Variants in GABRR2 observed in about 807,000 individuals in gnomAD.
GABRR2 encodes gamma-aminobutyric acid receptor subunit rho-2.
Under a neutral mutation model 47.0 loss-of-function variants are expected in GABRR2, and 36 were observed. That is an observed-to-expected ratio of 0.77 (90% CI 0.59 to 1.01). The LOEUF is 1.01. Among genes scored for constraint, GABRR2 ranks in the 50% least tolerant of loss-of-function variants. The pLI, the probability that GABRR2 is intolerant of heterozygous loss-of-function variation, is 0.00. For missense variants in GABRR2, 587 were observed against 594.6 expected (o/e 0.99, Z 0.13); for synonymous variants, 204 against 227.5 (o/e 0.90, Z 0.93).
intron 2 of GABRR2, among the ~76,000 whole-genome samples, chr6:89,283,746 C>T (rs529526547): frequency 8.2e-4 from 125 of 152,234 alleles, no homozygotes; most frequent in Middle Eastern, 3.4e-3. Context: ...GGAGGGACAG[C>T]GTTTGGAACC....
At chr6:89,280,251 T>TATATATATAC (rs1554197261) in intron 2 of GABRR2, among the ~76,000 whole-genome samples, 6 of 102,980 alleles carry the variant, frequency 5.8e-5, no homozygotes, top group African/African-American at 1.3e-4. Flanking sequence ...TATATATATA[T>TATATATATAC]ATACATACAT....
At position 89,264,548 on chromosome 6, in the gene GABRR2, C is replaced by T. The variant is rs753440123; in HGVS notation, c.950G>A (p.Arg317His). The change falls in exon 8 of 9, where the codon CGC (arginine) becomes CAC (histidine). Residue 317 changes from arginine to histidine, a missense_variant. Physicochemically the swap from Arg to His is conservative, Grantham distance 29. Coordinates refer to ENST00000402938, the MANE Select transcript of GABRR2 (RefSeq NM_002043.5). Reference protein sequence around the residue: ...IITGVNASMPRVSYVKAVDIY... With the variant: ...IITGVNASMPHVSYVKAVDIY... Reference sequence around the variant, plus strand: ...GTCCACGGCCTTGACGTAGGAGACGCGCGGCATGGAGGCATTCACGCCCGT... The same window carrying T: ...GTCCACGGCCTTGACGTAGGAGACGTGCGGCATGGAGGCATTCACGCCCGT... The T allele has an allele frequency of 1.2e-6, 2 of 1,614,022 alleles. No homozygotes were observed. Among genetic ancestry groups the T allele is most frequent in the African/African-American group, 1.3e-5 (1 of 74,904 alleles).
At chr6:89,281,894 G>A (rs558156682) in intron 2 of GABRR2, among the ~76,000 whole-genome samples, 8 of 152,238 alleles carry the variant, frequency 5.3e-5, no homozygotes, top group African/African-American at 1.4e-4. Context: ...GGTCCAGACC[G>A]GAGCCTATGT....
chr6:89,258,482 G>T (rs768019135), intron 8 of GABRR2, among the ~76,000 whole-genome samples: 18 of 151,232 alleles, frequency 1.2e-4, no homozygotes, highest in Non-Finnish European at 2.2e-4. Context: ...AAGGCAGGAG[G>T]ATCGCTTGAG....
At chr6:89,306,264 C>A (rs1767557721) in intron 1 of GABRR2, among the ~76,000 whole-genome samples, 1 of 150,890 alleles carries the variant, frequency 6.6e-6, no homozygotes, top group Admixed American at 6.6e-5. Flanking sequence ...CTGGTCCCAG[C>A]AAATTGAGAG....
chr6:89,255,207 C>G lies in GABRR2; in HGVS notation c.*2463G>C, dbSNP rs191574338. On this transcript the variant is annotated 3_prime_UTR_variant, in exon 9 of 9. Transcript: ENST00000402938. Reference sequence around the variant, plus strand: ...ATCACAGCACTTTGGGAGGCTGAGGCAGGCGGATCACCTGAGGTCAGGAGT... The same window carrying G: ...ATCACAGCACTTTGGGAGGCTGAGGGAGGCGGATCACCTGAGGTCAGGAGT... Among the ~76,000 whole-genome samples the G allele has an allele frequency of 7.7e-4, 117 of 152,224 alleles. 1 individual carries two copies. Among genetic ancestry groups the G allele is most frequent in the African/African-American group, 2.2e-3 (92 of 41,540 alleles).
chr6:89,287,730 G>A (rs777220864), intron 2 of GABRR2, among the ~76,000 whole-genome samples: 31 of 152,360 alleles, frequency 2.0e-4, no homozygotes, highest in Non-Finnish European at 4.0e-4. Flanking sequence ...GCACAGCCAT[G>A]AGCTGATCCC....
At chr6:89,267,947 G>A (rs1028480238) in intron 5 of GABRR2, 67 bp downstream of exon 5, 3 of 1,578,848 alleles carry the variant, frequency 1.9e-6, no homozygotes, top group African/African-American at 1.3e-5. Flanking sequence ...TCAGTCTCAT[G>A]ATTACTAAAA....
intron 2 of GABRR2, among the ~76,000 whole-genome samples, chr6:89,282,739 G>A (rs773054180): frequency 2.0e-5 from 3 of 152,222 alleles, no homozygotes; most frequent in East Asian, 1.9e-4. Flanking sequence ...GAGGCAGCCC[G>A]AAGTGGGGCT....
chr6:89,306,361 A>T (rs947698758), intron 1 of GABRR2, among the ~76,000 whole-genome samples: 14 of 144,160 alleles, frequency 9.7e-5, no homozygotes, highest in Admixed American at 2.1e-4. Flanking sequence ...CCCTGTGTTT[A>T]AAAAAAAAAA....
chr6:89,294,290 G>A (rs372307603), intron 2 of GABRR2, among the ~76,000 whole-genome samples: 6 of 152,200 alleles, frequency 3.9e-5, no homozygotes, highest in Admixed American at 6.5e-5. Flanking sequence ...GACTACAGGC[G>A]TGTGTCACCA....
At chr6:89,307,749 T>C (rs1767594158) in intron 1 of GABRR2, among the ~76,000 whole-genome samples, 1 of 152,166 alleles carries the variant, frequency 6.6e-6, no homozygotes, top group Non-Finnish European at 1.5e-5. Flanking sequence ...GATTTGGTTT[T>C]GAGTGTTTGT....
intron 1 of GABRR2, among the ~76,000 whole-genome samples, chr6:89,304,907 A>G (rs1332588350): frequency 2.0e-5 from 3 of 152,232 alleles, no homozygotes; most frequent in African/African-American, 7.2e-5. Context: ...TAAAAACAGA[A>G]CTACCATTCT....
chr6:89,273,423 C>T (rs1317244447), intron 2 of GABRR2, among the ~76,000 whole-genome samples: 1 of 152,122 alleles, frequency 6.6e-6, no homozygotes, highest in Non-Finnish European at 1.5e-5. Flanking sequence ...TAGTAGAGGC[C>T]AGGGTTTCAC....
intron 2 of GABRR2, among the ~76,000 whole-genome samples, chr6:89,273,243 C>T (rs1192392186): frequency 6.6e-6 from 1 of 152,146 alleles, no homozygotes; most frequent in Non-Finnish European, 1.5e-5. Flanking sequence ...TCCGTATTCT[C>T]TTCTTTTGAG....
rs1767443552 is a variant in GABRR2, at chr6:89,301,749, G to A, written c.114-1884C>T. The A allele has an allele frequency of 5.9e-6, 4 of 681,492 alleles. No individual in the cohort carries two copies. In the Admixed American group the frequency reaches 8.3e-5, roughly 14 times the overall value. 42.2% of individuals were successfully genotyped at this position (681,492 alleles called of 1,614,324 possible). A position where few individuals can be genotyped will look rare whatever the true frequency, so the allele number is the denominator to read the frequency against. Reference sequence around the variant, plus strand: ...TGTCAGCAGCCAGCCCAGCCCGCCTGCCCGTCCGCAGCCGCCTGCCAGACA... The same window carrying A: ...TGTCAGCAGCCAGCCCAGCCCGCCTACCCGTCCGCAGCCGCCTGCCAGACA... On this transcript the variant is annotated intron_variant, in intron 1 of 8. Transcript: ENST00000402938.
At chr6:89,296,266 A>G (rs536832345) in intron 2 of GABRR2, among the ~76,000 whole-genome samples, 2 of 152,368 alleles carry the variant, frequency 1.3e-5, no homozygotes, top group African/African-American at 4.8e-5. Context: ...AAGATCATTG[A>G]CAGCACAAGC....
intron 2 of GABRR2, among the ~76,000 whole-genome samples, chr6:89,282,797 G>C (rs1335324368): frequency 1.3e-5 from 2 of 152,240 alleles, no homozygotes; most frequent in Non-Finnish European, 2.9e-5. Flanking sequence ...GACCGAAGTG[G>C]AGAGTGGCAG....
At chr6:89,303,449 A>G (rs1322079833) in intron 1 of GABRR2, among the ~76,000 whole-genome samples, 1 of 151,896 alleles carries the variant, frequency 6.6e-6, no homozygotes, top group Non-Finnish European at 1.5e-5. Flanking sequence ...TGACACAAAG[A>G]AATGAAAATA....
Sources: allele counts gnomAD v4.1 joint callset (sites outside exome capture counted in the v4.1 genomes callset), GRCh38; gene constraint gnomAD v4.1.1; transcripts MANE v1.5; gene names NCBI Gene and HGNC (gene_info 2026-07-23, HGNC 2026-07-21).